Variants in KCNK2 observed in about 807,000 individuals in gnomAD.
KCNK2 encodes the protein potassium channel subfamily K member 2.
Under a neutral mutation model 40.5 loss-of-function variants are expected in KCNK2, and 21 were observed. The ratio of observed to expected loss-of-function variants is 0.52; its 90% CI spans 0.37 to 0.75. The LOEUF (loss-of-function observed/expected upper bound fraction) is 0.75, where lower values mean the gene tolerates loss of function less well. Ranked by LOEUF, KCNK2 falls within the 30% of genes least tolerant of loss-of-function variation. KCNK2 has a pLI of 0.00. For missense variants in KCNK2, 399 were observed against 531.6 expected (o/e 0.75, Z 2.45); for synonymous variants, 191 against 202.2 (o/e 0.94, Z 0.47).
At position 215,124,669 on chromosome 1, in the gene KCNK2, T is replaced by G. The variant is rs1661339268; in HGVS notation, c.394T>G (p.Leu132Val). The G allele has an allele frequency of 1.2e-6, 2 of 1,612,722 alleles. No homozygotes were observed. The change falls in exon 3 of 7, where the codon TTA (leucine) becomes GTA (valine). Residue 132 changes from leucine to valine, a missense_variant. Transcript: ENST00000444842. ...AGCAATAAATGCAGGGATTATACCG[T>G]TAGGAAACACCTCCAATCAAATCAG... ...VAAINAGIIP[L>V]GNTSNQISHW... is the part of the protein sequence containing the mutation.
At chr1:215,077,392 T>C (rs1658982337) in intron 1 of KCNK2, among the ~76,000 whole-genome samples, 1 of 152,178 alleles carries the variant, frequency 6.6e-6, no homozygotes, top group Non-Finnish European at 1.5e-5. Context: ...CGCAGAGCCC[T>C]GTTGATCTAC....
At chr1:215,206,467 T>G (rs914826849) in intron 6 of KCNK2, among the ~76,000 whole-genome samples, 2 of 152,216 alleles carry the variant, frequency 1.3e-5, no homozygotes, top group African/African-American at 2.4e-5. Flanking sequence ...CTATTCACAC[T>G]AGATTATAAC....
At chr1:215,148,413 G>T (rs12136220) in intron 3 of KCNK2, among the ~76,000 whole-genome samples, 2 of 151,464 alleles carry the variant, frequency 1.3e-5, no homozygotes, top group Non-Finnish European at 2.9e-5. Flanking sequence ...AAATATGTAC[G>T]TATCAATAAT....
intron 3 of KCNK2, among the ~76,000 whole-genome samples, chr1:215,139,913 TA>T (rs1467554742): frequency 1.3e-5 from 2 of 152,078 alleles, no homozygotes; most frequent in African/African-American, 4.8e-5. Flanking sequence ...CAGAAGTGTA[TA>T]AAAAAGGGAA....
intron 2 of KCNK2, among the ~76,000 whole-genome samples, chr1:215,099,128 T>A (rs913844337): frequency 6.6e-6 from 1 of 151,982 alleles, no homozygotes; most frequent in African/African-American, 2.4e-5. Flanking sequence ...TTAAGCCTAG[T>A]ACCTGTTAGT....
intron 5 of KCNK2, among the ~76,000 whole-genome samples, chr1:215,194,448 T>C (rs1664785525): frequency 6.6e-6 from 1 of 152,184 alleles, no homozygotes; most frequent in Admixed American, 6.5e-5. Context: ...TAGTGATTCA[T>C]TGTATTGATG....
chr1:215,054,014 G>C (rs1322732587), intron 1 of KCNK2, among the ~76,000 whole-genome samples: 1 of 152,170 alleles, frequency 6.6e-6, no homozygotes, highest in Admixed American at 6.5e-5. Context: ...AGTGTATTGA[G>C]GAGTTTAAAG....
rs544460795 is a variant in KCNK2 at position 215,124,987 on chromosome 1, A to G, written c.475+237A>G. ...AATACATGTGAAACAGAAGCAATGC[A>G]GCAGTCATTTGACTAATGGTAGTAA... On this transcript the variant is annotated intron_variant, in intron 3 of 6. Transcript: ENST00000444842. 1.6e-4 allele frequency among the ~76,000 whole-genome samples: 24 copies of G among 152,342 alleles called. No homozygotes were observed. In the South Asian group the frequency reaches 4.8e-3, roughly 30 times the overall value.
At chr1:215,200,341 G>T (rs10159003) in intron 6 of KCNK2, among the ~76,000 whole-genome samples, 121 of 152,090 alleles carry the variant, frequency 8.0e-4, no homozygotes, top group African/African-American at 2.8e-3. Context: ...TTCACTCTGG[G>T]TGGCAATGAC....
intron 2 of KCNK2, among the ~76,000 whole-genome samples, chr1:215,089,026 C>T (rs1354793779): frequency 6.6e-6 from 1 of 152,102 alleles, no homozygotes; most frequent in Non-Finnish European, 1.5e-5. Flanking sequence ...ATTACAATGC[C>T]ATGACTTCAA....
intron 6 of KCNK2, among the ~76,000 whole-genome samples, chr1:215,221,884 C>T (rs1242278897): frequency 2.0e-5 from 3 of 152,228 alleles, no homozygotes; most frequent in Middle Eastern, 3.4e-3. Context: ...TAAAGAAATA[C>T]CTGAGACTGG....
At chr1:215,158,443 C>A (rs2885814) in intron 3 of KCNK2, among the ~76,000 whole-genome samples, 12,379 of 152,146 alleles carry the variant, frequency 0.081, 557 homozygotes, top group Middle Eastern at 0.15. Context: ...ACTTGGGGTT[C>A]TCATTTCTTA....
intron 2 of KCNK2, among the ~76,000 whole-genome samples, chr1:215,113,922 A>T (rs1419155851): frequency 6.6e-6 from 1 of 152,182 alleles, no homozygotes; most frequent in Non-Finnish European, 1.5e-5. Flanking sequence ...ACAGCAAGTG[A>T]TTAAAAATGA....
In KCNK2 at chr1:215,082,893, G is replaced by C. The variant is rs1417765248; in HGVS notation, c.-493G>C. ...AAAGACATGCGAAGAGGGGCTGAAC[G>C]AGGCTCGCGCACAAAGACGCCGGGG... On this transcript the variant is annotated 5_prime_UTR_variant, in exon 1 of 7. Coordinates refer to ENST00000444842, the MANE Select transcript of KCNK2 (RefSeq NM_001017425.3). Among the ~76,000 whole-genome samples, 1 of 151,650 alleles carries C rather than the reference G, an allele frequency of 6.6e-6. No individual in the cohort carries two copies. The highest frequency in any genetic ancestry group is 1.5e-5 in the Non-Finnish European group (1 of 67,896).
chr1:215,181,066 C>T (rs1022224878), intron 5 of KCNK2, among the ~76,000 whole-genome samples: 3 of 151,974 alleles, frequency 2.0e-5, no homozygotes, highest in African/African-American at 7.2e-5. Context: ...TCTTACAATT[C>T]TTTTTTCTTT....
At chr1:215,029,788 T>C (rs1657122458) in intron 1 of KCNK2, among the ~76,000 whole-genome samples, 1 of 152,002 alleles carries the variant, frequency 6.6e-6, no homozygotes, top group African/African-American at 2.4e-5. Context: ...CTCCAGACTG[T>C]ATGATTCCAC....
chr1:215,010,864 TTTTTTGTGTG>T (rs1392763361), intron 1 of KCNK2, among the ~76,000 whole-genome samples: 1 of 137,858 alleles, frequency 7.3e-6, no homozygotes, highest in African/African-American at 2.6e-5. Context: ...TTTTTTTTTT[TTTTTTGTGTG>T]TGTGTGTGTG....
At chr1:215,196,376 C>T (rs1538545) in intron 6 of KCNK2, among the ~76,000 whole-genome samples, 129,939 of 152,086 alleles carry the variant, frequency 0.85, 57,154 homozygotes, top group East Asian at 0.98. Flanking sequence ...CATGAGCCAC[C>T]GTGCCAGGCC....
chr1:215,007,279 G>A (rs1421098381), intron 1 of KCNK2, among the ~76,000 whole-genome samples: 1 of 142,610 alleles, frequency 7.0e-6, no homozygotes, highest in African/African-American at 2.6e-5. Context: ...GTGGCATTGG[G>A]ACTTGGGATC....
Sources: allele counts gnomAD v4.1 joint callset (sites outside exome capture counted in the v4.1 genomes callset), GRCh38; gene constraint gnomAD v4.1.1; transcripts MANE v1.5; gene names NCBI Gene and HGNC (gene_info 2026-07-23, HGNC 2026-07-21).